The following TBCK variants were observed in gnomAD, a reference collection of about 807,000 sequenced individuals.
The protein encoded by TBCK is TBC1 domain containing kinase, also known as TBC domain-containing protein kinase-like protein.
A neutral mutation model predicts 113.4 loss-of-function variants in TBCK; 99 were observed. That is an observed-to-expected ratio of 0.87 (90% CI 0.74 to 1.03). TBCK has a LOEUF of 1.03. Ranked by LOEUF, TBCK falls within the 50% of genes least tolerant of loss-of-function variation. TBCK has a pLI of 0.00. For missense variants in TBCK, 1,045 were observed against 1,061.3 expected (o/e 0.98, Z 0.21); for synonymous variants, 369 against 370.8 (o/e 1.00, Z 0.05).
At chr4:106,285,100 A>AT (rs1373871499) in intron 3 of TBCK, among the ~76,000 whole-genome samples, 1 of 152,204 alleles carries the variant, frequency 6.6e-6, no homozygotes, top group East Asian at 1.9e-4. Flanking sequence ...TATGGCACAG[A>AT]TAACATAAAA....
At chr4:106,133,085 T>C (rs1746147238) in intron 23 of TBCK, among the ~76,000 whole-genome samples, 1 of 152,166 alleles carries the variant, frequency 6.6e-6, no homozygotes, top group South Asian at 2.1e-4. Flanking sequence ...TGATTGGTTT[T>C]GAAATGTGAG....
At chr4:106,173,320 T>G (rs974186945) in intron 22 of TBCK, among the ~76,000 whole-genome samples, 1 of 152,142 alleles carries the variant, frequency 6.6e-6, no homozygotes, top group Non-Finnish European at 1.5e-5. Context: ...AAAAAAGAGA[T>G]AGCACAATTC....
At chr4:106,260,783 G>C (rs978958457) in intron 4 of TBCK, among the ~76,000 whole-genome samples, 1 of 151,586 alleles carries the variant, frequency 6.6e-6, no homozygotes, top group African/African-American at 2.4e-5. Flanking sequence ...TAATATTTTT[G>C]CTGTTACATT....
At chr4:106,129,451 C>T (rs1054248147) in intron 23 of TBCK, among the ~76,000 whole-genome samples, 4 of 152,096 alleles carry the variant, frequency 2.6e-5, no homozygotes, top group Non-Finnish European at 5.9e-5. Flanking sequence ...AGATGAAGCA[C>T]TTCTTAAGTA....
chr4:106,301,877 A>G (rs1448536626), intron 2 of TBCK, among the ~76,000 whole-genome samples: 1 of 152,224 alleles, frequency 6.6e-6, no homozygotes, highest in Non-Finnish European at 1.5e-5. Flanking sequence ...AATCAAAGTC[A>G]TGTGGTATTA....
intron 3 of TBCK, among the ~76,000 whole-genome samples, chr4:106,289,625 C>G (rs1340174274): frequency 6.6e-6 from 1 of 151,628 alleles, no homozygotes; most frequent in Non-Finnish European, 1.5e-5. Flanking sequence ...AAAAATTACC[C>G]AGGCATGGTG....
intron 1 of TBCK, among the ~76,000 whole-genome samples, chr4:106,312,326 T>C (rs1331529924): frequency 1.3e-5 from 2 of 152,154 alleles, no homozygotes; most frequent in Non-Finnish European, 2.9e-5. Context: ...AAACATATTT[T>C]CACACAAGGC....
At chr4:106,211,672 G>A (rs1434097231) in intron 20 of TBCK, among the ~76,000 whole-genome samples, 1 of 151,690 alleles carries the variant, frequency 6.6e-6, no homozygotes, top group Non-Finnish European at 1.5e-5. Flanking sequence ...TATAGTTTTA[G>A]GAAGTTTTTA....
At chr4:106,164,737 A>C (rs1160601662) in intron 23 of TBCK, among the ~76,000 whole-genome samples, 3 of 151,798 alleles carry the variant, frequency 2.0e-5, no homozygotes, top group Non-Finnish European at 4.4e-5. Flanking sequence ...TGTTATTTTT[A>C]AACTGTTCAT....
intron 25 of TBCK, among the ~76,000 whole-genome samples, chr4:106,049,167 TC>T (rs1734534626): frequency 6.6e-6 from 1 of 152,112 alleles, no homozygotes; most frequent in Non-Finnish European, 1.5e-5. Context: ...AGTTATTCGG[TC>T]ATTCATTTAT....
intron 23 of TBCK, among the ~76,000 whole-genome samples, chr4:106,166,607 C>T (rs1004313617): frequency 6.6e-6 from 1 of 151,580 alleles, no homozygotes; most frequent in African/African-American, 2.4e-5. Flanking sequence ...ATCTTAAGAC[C>T]AAAGCCTGAC....
intron 3 of TBCK, among the ~76,000 whole-genome samples, chr4:106,280,175 T>A (rs1764444508): frequency 6.6e-6 from 1 of 152,178 alleles, no homozygotes; most frequent in African/African-American, 2.4e-5. Context: ...TGCATTTCTC[T>A]GATGATAAAT....
intron 3 of TBCK, among the ~76,000 whole-genome samples, chr4:106,266,134 A>G (rs1762970451): frequency 6.6e-6 from 1 of 151,854 alleles, no homozygotes. Context: ...GTAACTTATC[A>G]ATAGTTATAG....
chr4:106,099,910 A>C (rs1339232749), intron 24 of TBCK, among the ~76,000 whole-genome samples: 1 of 152,182 alleles, frequency 6.6e-6, no homozygotes, highest in East Asian at 1.9e-4. Flanking sequence ...ACTTTCTATG[A>C]CTGCCTATAG....
At chr4:106,131,282 A>C (rs997858844) in intron 23 of TBCK, among the ~76,000 whole-genome samples, 1 of 152,188 alleles carries the variant, frequency 6.6e-6, no homozygotes, top group Non-Finnish European at 1.5e-5. Context: ...TAAATTACCC[A>C]GTTTTGGGTA....
chr4:106,052,448 T>C (rs2149447061), intron 25 of TBCK, among the ~76,000 whole-genome samples: 1 of 151,966 alleles, frequency 6.6e-6, no homozygotes, highest in African/African-American at 2.4e-5. Flanking sequence ...TACTCCAATG[T>C]TATCTGGGAT....
At chr4:106,085,900 T>C (rs921911798) in intron 25 of TBCK, among the ~76,000 whole-genome samples, 3 of 152,242 alleles carry the variant, frequency 2.0e-5, no homozygotes, top group Middle Eastern at 3.4e-3. Context: ...TTGAAATCAA[T>C]GAGAACAAAG....
intron 25 of TBCK, among the ~76,000 whole-genome samples, chr4:106,064,475 T>C (rs558487321): frequency 1.3e-5 from 2 of 151,956 alleles, no homozygotes; most frequent in South Asian, 4.2e-4. Context: ...TTTCTTTTGA[T>C]AACAAAAGAA....
At chr4:106,275,708 T>A (rs990906607) in intron 3 of TBCK, among the ~76,000 whole-genome samples, 31 of 152,128 alleles carry the variant, frequency 2.0e-4, no homozygotes, top group African/African-American at 7.5e-4. Context: ...AAAAAATTTT[T>A]AAAAAGTAAA....
Sources: allele counts gnomAD v4.1 joint callset (sites outside exome capture counted in the v4.1 genomes callset), GRCh38; gene constraint gnomAD v4.1.1; transcripts MANE v1.5; gene names NCBI Gene and HGNC (gene_info 2026-07-23, HGNC 2026-07-21).